Variants in SLC35A5 observed in about 807,000 individuals in gnomAD.
SLC35A5 encodes solute carrier family 35 member A5, also known as UDP-sugar transporter protein SLC35A5.
SLC35A5 carries 28 observed loss-of-function variants against 36.3 expected under a neutral mutation model. The observed-to-expected ratio is 0.77, with a 90% CI of 0.57 to 1.06. The LOEUF (loss-of-function observed/expected upper bound fraction) is 1.06. SLC35A5 is among the 50% of genes least tolerant of loss of function. SLC35A5 has a pLI of 0.00. For missense variants in SLC35A5, 521 were observed against 499.3 expected, an observed-to-expected ratio of 1.04 and a Z score of -0.41; for synonymous variants, 180 against 173.7, an observed-to-expected ratio of 1.04 and a Z score of -0.29.
intron 4 of SLC35A5, among the ~76,000 whole-genome samples, chr3:112,571,253 GT>G (rs1208662279): frequency 6.6e-6 from 1 of 152,178 alleles, no homozygotes; most frequent in African/African-American, 2.4e-5. Context: ...CTTTGTGTCA[GT>G]TTAGAAAGCC....
intron 2 of SLC35A5, among the ~76,000 whole-genome samples, chr3:112,566,529 A>G (rs753011862): frequency 6.6e-6 from 1 of 152,244 alleles, no homozygotes; most frequent in African/African-American, 2.4e-5. Context: ...GAATGCCAGC[A>G]TTTAAGTGAC....
intron 5 of SLC35A5, among the ~76,000 whole-genome samples, chr3:112,577,473 C>T (rs552510958): frequency 6.6e-6 from 1 of 152,306 alleles, no homozygotes; most frequent in African/African-American, 2.4e-5. Flanking sequence ...AAACTGGTAG[C>T]AGGCATTATG....
At chr3:112,580,128 G>A (rs1370843384) in intron 5 of SLC35A5, among the ~76,000 whole-genome samples, 2 of 152,144 alleles carry the variant, frequency 1.3e-5, no homozygotes, top group African/African-American at 4.8e-5. Context: ...CTGCATAGGG[G>A]GAAATTCATC....
chr3:112,561,718 G>C (rs1339298319), upstream of SLC35A5: 35 of 599,244 alleles, frequency 5.8e-5, no homozygotes, highest in Non-Finnish European at 9.3e-5. Context: ...CACAGCGCGC[G>C]AAGACGGGGT....
Position 112,583,144 on chromosome 3 carries a change from A to G in SLC35A5, c.*408A>G, listed in dbSNP as rs943163954. 2.5e-5 allele frequency: 10 copies of G among 398,872 alleles called. No individual in the cohort carries two copies. The highest frequency in any genetic ancestry group is 1.9e-4 in the African/African-American group (9 of 48,586). 24.7% of individuals were successfully genotyped at this position (398,872 alleles called of 1,614,324 possible). ...CATGCCAAAGTCTTCCCTTTTTAACATTATAAAAGCTAGGTTGTCTCTTGA... is the reference window on the plus strand; with the variant it reads ...CATGCCAAAGTCTTCCCTTTTTAACGTTATAAAAGCTAGGTTGTCTCTTGA... On this transcript the variant is annotated 3_prime_UTR_variant, in exon 7 of 7. Transcript: ENST00000492406.
At chr3:112,561,480 C>T, upstream of SLC35A5, 2 of 1,613,444 alleles carry the variant, frequency 1.2e-6, no homozygotes, top group Non-Finnish European at 1.7e-6. Context: ...GTCAGGTACT[C>T]AGCCACTTCC....
chr3:112,580,844 T>C lies in SLC35A5; in HGVS notation c.727T>C (p.Ser243Pro). The C allele has an allele frequency of 6.2e-7, 1 of 1,614,190 alleles. No homozygotes were observed. Among genetic ancestry groups the C allele is most frequent in the Non-Finnish European group, 8.5e-7 (1 of 1,180,014 alleles). Residue 243 changes from serine (S) to proline (P), a missense_variant, in exon 6 of 7, where the codon TCT (serine) becomes CCT (proline). Ser to Pro is a moderately conservative substitution (Grantham distance 74). Coordinates refer to ENST00000492406, the MANE Select transcript of SLC35A5 (RefSeq NM_017945.5). ...TCTTATTATAGTCCAGTGTTTTATTTCTTCAATGGCTAATATCTATAATGA... is the reference window on the plus strand; with the variant it reads ...TCTTATTATAGTCCAGTGTTTTATTCCTTCAATGGCTAATATCTATAATGA... ...HVLIIVQCFI[S>P]SMANIYNEKI...
At position 112,583,904 on chromosome 3, in the gene SLC35A5, G is replaced by A. The variant is rs771240334; in HGVS notation, c.*1168G>A. 2 of 152,106 alleles carry A rather than the reference G, an allele frequency of 1.3e-5. No individual in the cohort carries two copies. The highest frequency in any genetic ancestry group is 4.8e-5 in the African/African-American group (2 of 41,404). The allele number at this position is 152,106 out of a possible 1,614,324, so 9.4% of individuals were successfully genotyped here. A position where few individuals can be genotyped will look rare whatever the true frequency, so the allele number is the denominator to read the frequency against. ...AGCAAACAAAAGTGACTTGCTCAGG[G>A]TCATGCAGCTGGGTGATGATAGAAG... On this transcript the variant is annotated 3_prime_UTR_variant, in exon 7 of 7. Transcript: ENST00000492406.
chr3:112,562,616 A>T (rs1197933154), intron 1 of SLC35A5, among the ~76,000 whole-genome samples: 1 of 152,192 alleles, frequency 6.6e-6, no homozygotes, highest in African/African-American at 2.4e-5. Flanking sequence ...AACACTAACT[A>T]GTTCAGTAAA....
At chr3:112,581,477 C>T in intron 6 of SLC35A5, 151 bp downstream of exon 6, 1 of 843,578 alleles carries the variant, frequency 1.2e-6, no homozygotes, top group Admixed American at 3.0e-5. Context: ...TCCTTTTACT[C>T]CTGATGTTTG....
intron 2 of SLC35A5, among the ~76,000 whole-genome samples, chr3:112,566,656 G>C (rs1462536576): frequency 6.6e-6 from 1 of 152,164 alleles, no homozygotes; most frequent in Admixed American, 6.5e-5. Context: ...GCAACATCAT[G>C]ATAAGCTAAA....
intron 5 of SLC35A5, among the ~76,000 whole-genome samples, chr3:112,579,273 A>G (rs1375891573): frequency 6.6e-6 from 1 of 152,150 alleles, no homozygotes; most frequent in Non-Finnish European, 1.5e-5. Context: ...CTGTTAGGTT[A>G]ACTGTTTCCT....
chr3:112,563,134 G>C (rs1219863045), intron 1 of SLC35A5, among the ~76,000 whole-genome samples: 1 of 152,212 alleles, frequency 6.6e-6, no homozygotes, highest in African/African-American at 2.4e-5. Context: ...CTGTTGCAAA[G>C]TGTCATTTGC....
intron 5 of SLC35A5, among the ~76,000 whole-genome samples, chr3:112,578,115 A>G (rs555075591): frequency 6.6e-6 from 1 of 152,304 alleles, no homozygotes; most frequent in South Asian, 2.1e-4. Context: ...GTAAATATAC[A>G]TGTATTCATC....
At chr3:112,580,433 C>G in intron 5 of SLC35A5, 113 bp from the exon 6 acceptor site, 1 of 1,220,802 alleles carries the variant, frequency 8.2e-7, no homozygotes. Context: ...GAAATGCTAG[C>G]AAAAACTGGG....
Position 112,580,973 on chromosome 3 carries a change from C to T in SLC35A5, c.856C>T (p.Gln286Ter). 4 of 1,614,144 alleles carry T rather than the reference C, an allele frequency of 2.5e-6. No homozygotes were observed. The highest frequency in any genetic ancestry group is 3.4e-6 in the Non-Finnish European group (4 of 1,179,990). The stretch of plus-strand genomic sequence containing the variant: ...GTTTAATGGGCTGACTCTGGGCCTT[C>T]AGAGGAGTAACCGTGATCAGATTAA... The part of the protein sequence containing the change: ...ILFNGLTLGL[Q>*]RSNRDQIKNC... The change falls in exon 6 of 7, where the codon CAG becomes TAG. Residue 286 changes from glutamine to a stop codon, truncating the protein, a stop_gained. Coordinates refer to ENST00000492406, the MANE Select transcript of SLC35A5 (RefSeq NM_017945.5). LOFTEE classifies it high-confidence loss of function.
At position 112,573,937 on chromosome 3, in the gene SLC35A5, C is replaced by G; in HGVS notation, c.409C>G (p.Leu137Val). Residue 137 changes from leucine to valine, a missense_variant, in exon 5 of 7, where the codon CTA becomes GTA. By Grantham distance (32) the Leu-to-Val change is conservative (BLOSUM62 1). Transcript: ENST00000492406. ...SNFSIITTAL[L>V]FRIVLKRRLN... ...TTTTAGCATTATAACAACAGCTCTT[C>G]TATTCAGGATAGTGCTGAAGTAAGT... 6.2e-7 allele frequency: 1 copy of G among 1,613,184 alleles called. No individual in the cohort carries two copies. The highest frequency in any genetic ancestry group is 8.5e-7 in the Non-Finnish European group (1 of 1,179,240).
At chr3:112,576,990 T>G (rs1398647148) in intron 5 of SLC35A5, among the ~76,000 whole-genome samples, 1 of 152,080 alleles carries the variant, frequency 6.6e-6, no homozygotes, top group Non-Finnish European at 1.5e-5. Context: ...ATCTGTTGTC[T>G]TATACTTGAT....
intron 4 of SLC35A5, among the ~76,000 whole-genome samples, chr3:112,572,909 T>G (rs1391243962): frequency 6.6e-6 from 1 of 152,220 alleles, no homozygotes; most frequent in Non-Finnish European, 1.5e-5. Flanking sequence ...TCTTTTCCTC[T>G]TACTCATCTC....
Sources: allele counts gnomAD v4.1 joint callset (sites outside exome capture counted in the v4.1 genomes callset), GRCh38; gene constraint gnomAD v4.1.1; transcripts MANE v1.5; gene names NCBI Gene and HGNC (gene_info 2026-07-23, HGNC 2026-07-21).